KLHL13: variants seen among roughly 807,000 people sequenced by gnomAD.
KLHL13 encodes kelch-like protein 13.
In KLHL13, 10 loss-of-function variants were observed where a neutral mutation model predicts 37.1. The ratio of observed to expected loss-of-function variants is 0.27; its 90% confidence interval spans 0.17 to 0.46. KLHL13 has a LOEUF of 0.46. KLHL13 is among the 20% of genes least tolerant of loss of function. The pLI is 1.00. For synonymous variants in KLHL13, 163 were observed against 181.2 expected (o/e 0.90, Z 0.81); for missense variants, 360 against 509.3 (o/e 0.71, Z 2.82).
At position 117,973,091 on chromosome X, in the gene KLHL13, T is replaced by C. The variant is rs1054530607; in HGVS notation, c.-263A>G. ...AGTGCCAGAAAAGCGTTGACTGCAG[T>C]ATATTTTTTTAGGACTGCACTGTGC... On this transcript the variant is annotated 5_prime_UTR_variant, in exon 1 of 7. Transcript: ENST00000262820. The C allele has an allele frequency of 1.5e-5, 15 of 998,448 alleles. No homozygotes were observed. In the African/African-American group the frequency reaches 2.9e-4, roughly 20 times the overall value. 82.3% of individuals were successfully genotyped at this position (998,448 alleles called of 1,213,427 possible).
rs201100690 is a variant in KLHL13, at chrX:117,948,633, ATT to A, written c.99-3060_99-3059del. Among the ~76,000 whole-genome samples the A allele has an allele frequency of 5.5e-3, 614 of 111,547 alleles. 9 individuals are homozygous for A. The highest frequency in any genetic ancestry group is 0.019 in the African/African-American group (579 of 30,711). ...TTCATGGGAGAGACTATATTAACGA[ATT>A]TTGTTTCTAAAAATTAAACCTCTCT... On this transcript the variant is annotated intron_variant, in intron 1 of 6. Coordinates refer to ENST00000262820, the Ensembl canonical transcript of KLHL13.
At chrX:117,999,489 A>C (rs2053895576) in intron 1 of KLHL13, among the ~76,000 whole-genome samples, 1 of 110,366 alleles carries the variant, frequency 9.1e-6, no homozygotes, top group African/African-American at 3.3e-5. Flanking sequence ...TGGGAATTGA[A>C]CAATGAGAAC....
At chrX:118,086,385 C>A in intron 1 of KLHL13, among the ~76,000 whole-genome samples, 1 of 111,357 alleles carries the variant, frequency 9.0e-6, no homozygotes, top group Non-Finnish European at 1.9e-5. Context: ...TTCCCACCAA[C>A]AGTATATAGG....
intron 1 of KLHL13, among the ~76,000 whole-genome samples, chrX:117,959,215 A>G (rs1016228066): frequency 1.8e-5 from 2 of 112,321 alleles, no homozygotes; most frequent in African/African-American, 6.5e-5. Flanking sequence ...AACTTTGTTT[A>G]GCTGTGAATC....
At chrX:117,950,356 A>G (rs1241079588) in intron 1 of KLHL13, among the ~76,000 whole-genome samples, 2 of 111,335 alleles carry the variant, frequency 1.8e-5, no homozygotes, top group African/African-American at 6.5e-5. Flanking sequence ...AATCCTAGCT[A>G]CTTAGGAGGC....
chrX:117,950,479 A>C (rs1380680057), intron 1 of KLHL13, among the ~76,000 whole-genome samples: 2 of 111,920 alleles, frequency 1.8e-5, no homozygotes, highest in Non-Finnish European at 3.8e-5. Flanking sequence ...AAAAAGGAAA[A>C]GAAAAAAAAG....
chrX:117,967,692 G>A (rs997778506), intron 1 of KLHL13, among the ~76,000 whole-genome samples: 3 of 112,167 alleles, frequency 2.7e-5, no homozygotes, highest in East Asian at 2.8e-4. Flanking sequence ...TGTCTTGCAA[G>A]TGTCTTGTGT....
intron 2 of KLHL13, among the ~76,000 whole-genome samples, chrX:117,934,922 C>A (rs1002345234): frequency 3.7e-5 from 4 of 109,528 alleles, no homozygotes; most frequent in African/African-American, 1.3e-4. Context: ...AAATGCAAAT[C>A]AAAACTACTT....
chrX:118,015,882 C>T (rs2054122905), intron 1 of KLHL13, among the ~76,000 whole-genome samples: 1 of 111,072 alleles, frequency 9.0e-6, no homozygotes, highest in African/African-American at 3.3e-5. Context: ...TTTTTATTGG[C>T]TAGATCTTCT....
At chrX:117,933,395 C>CA (rs777119008) in intron 2 of KLHL13, among the ~76,000 whole-genome samples, 1 of 110,584 alleles carries the variant, frequency 9.0e-6, no homozygotes, top group Admixed American at 9.6e-5. Flanking sequence ...ATAAAGGTGC[C>CA]AAGAACACAC....
intron 1 of KLHL13, among the ~76,000 whole-genome samples, chrX:118,004,821 G>T (rs955126074): frequency 1.8e-5 from 2 of 111,446 alleles, no homozygotes; most frequent in Non-Finnish European, 3.8e-5. Flanking sequence ...TCAATATCAG[G>T]TGCCACCTGA....
upstream of KLHL13, among the ~76,000 whole-genome samples, chrX:117,975,740 G>A (rs1288957191): frequency 8.9e-6 from 1 of 111,926 alleles, no homozygotes; most frequent in Non-Finnish European, 1.9e-5. Context: ...AAAAAACATG[G>A]TAGTGAAGTG....
At chrX:118,017,821 C>G (rs1452731486) in intron 1 of KLHL13, among the ~76,000 whole-genome samples, 1 of 111,641 alleles carries the variant, frequency 9.0e-6, no homozygotes, top group Non-Finnish European at 1.9e-5. Flanking sequence ...GTTTGGCACT[C>G]TTTCTCCTGT....
At chrX:118,110,325 C>T (rs1230109699) in intron 1 of KLHL13, among the ~76,000 whole-genome samples, 15 of 108,742 alleles carry the variant, frequency 1.4e-4, no homozygotes, top group Admixed American at 4.9e-4. Context: ...GGTCAGGAAT[C>T]ATGTCTCATT....
At chrX:117,972,636 G>T in intron 1 of KLHL13, 1 of 661,646 alleles carries the variant, frequency 1.5e-6, no homozygotes. Context: ...TAGGTTTTTG[G>T]ATGTTGCTGT....
At chrX:117,944,238 T>G (rs1416061941) in intron 2 of KLHL13, among the ~76,000 whole-genome samples, 3 of 110,522 alleles carry the variant, frequency 2.7e-5, no homozygotes, top group Non-Finnish European at 5.7e-5. Flanking sequence ...TATTCGGCCA[T>G]CTTCCCTTTT....
intron 1 of KLHL13, among the ~76,000 whole-genome samples, chrX:118,096,651 C>T (rs1219483632): frequency 2.7e-5 from 3 of 111,694 alleles, no homozygotes; most frequent in Non-Finnish European, 3.8e-5. Context: ...ACCAATATGC[C>T]TGATGAACAT....
chrX:118,033,060 G>A (rs1397025141), intron 1 of KLHL13, among the ~76,000 whole-genome samples: 1 of 110,842 alleles, frequency 9.0e-6, no homozygotes, highest in Non-Finnish European at 1.9e-5. Context: ...AAAAAGAAAT[G>A]AGCAAAGCCT....
intron 4 of KLHL13, among the ~76,000 whole-genome samples, chrX:117,917,919 A>C (rs1931467139): frequency 8.9e-6 from 1 of 111,866 alleles, no homozygotes; most frequent in African/African-American, 3.2e-5. Flanking sequence ...TAAATTCTGG[A>C]CTTGAGGCAT....
Sources: allele counts gnomAD v4.1 joint callset (sites outside exome capture counted in the v4.1 genomes callset), GRCh38; gene constraint gnomAD v4.1.1; transcripts MANE v1.5; gene names NCBI Gene and HGNC (gene_info 2026-07-23, HGNC 2026-07-21).